The following CHST11 variants were observed in gnomAD, a reference collection of about 807,000 sequenced individuals.
CHST11 encodes the protein C4S-1.
CHST11 carries 9 observed loss-of-function variants against 30.4 expected under a neutral mutation model. The ratio of observed to expected loss-of-function variants is 0.30; its 90% CI spans 0.18 to 0.52. CHST11 has a LOEUF of 0.52. Ranked by LOEUF, CHST11 falls within the 20% of genes least tolerant of loss-of-function variation. The pLI is 0.97. For synonymous variants in CHST11, 152 were observed against 187.8 expected (o/e 0.81, Z 1.56); for missense variants, 348 against 460.6 (o/e 0.76, Z 2.24).
chr12:104,466,008 C>T (rs897505458), intron 1 of CHST11, among the ~76,000 whole-genome samples: 8 of 151,832 alleles, frequency 5.3e-5, no homozygotes, highest in East Asian at 1.9e-4. Context: ...TACAGGTGCC[C>T]GCCATCACGC....
intron 1 of CHST11, among the ~76,000 whole-genome samples, chr12:104,583,764 G>A (rs889419802): frequency 6.6e-6 from 1 of 150,816 alleles, no homozygotes; most frequent in Non-Finnish European, 1.5e-5. Context: ...CCAGGCTGGA[G>A]TGTAGTGGCG....
intron 2 of CHST11, among the ~76,000 whole-genome samples, chr12:104,736,395 A>G (rs1243551380): frequency 6.6e-6 from 1 of 152,228 alleles, no homozygotes; most frequent in African/African-American, 2.4e-5. Flanking sequence ...GAAAAAGACC[A>G]GTGACTCACA....
chr12:104,486,284 A>T (rs192828146), intron 1 of CHST11, among the ~76,000 whole-genome samples: 1 of 148,160 alleles, frequency 6.7e-6, no homozygotes, highest in East Asian at 2.0e-4. Flanking sequence ...ATGGGGAAAA[A>T]GTGTTTTAAA....
chr12:104,718,659 C>A (rs1336892243), intron 2 of CHST11, among the ~76,000 whole-genome samples: 1 of 152,196 alleles, frequency 6.6e-6, no homozygotes, highest in Non-Finnish European at 1.5e-5. Context: ...TAAGCAATCA[C>A]TCCTACTTTA....
At chr12:104,686,250 G>T (rs201677809) in intron 2 of CHST11, among the ~76,000 whole-genome samples, 1 of 54,430 alleles carries the variant, frequency 1.8e-5, no homozygotes, top group Non-Finnish European at 4.8e-5. Context: ...AAAAAAAAAA[G>T]ACAACATAGT....
intron 2 of CHST11, among the ~76,000 whole-genome samples, chr12:104,658,528 G>A (rs1226979023): frequency 6.6e-6 from 1 of 152,200 alleles, no homozygotes; most frequent in Non-Finnish European, 1.5e-5. Flanking sequence ...CTCAGCATGT[G>A]CATTTTGGAG....
Position 104,558,787 on chromosome 12 carries a change from C to T in CHST11, c.119-43119C>T, listed in dbSNP as rs560562278. Reference sequence around the variant, plus strand: ...CTCCTGACCTCAAGTGATCTGCCCACGTTGGCCTCCCAAGGTGCTGGGATT... The same window carrying T: ...CTCCTGACCTCAAGTGATCTGCCCATGTTGGCCTCCCAAGGTGCTGGGATT... On this transcript the variant is annotated intron_variant, in intron 1 of 2. Transcript: ENST00000303694. Among the ~76,000 whole-genome samples the T allele has an allele frequency of 3.3e-5, 5 of 152,182 alleles. No homozygotes were observed. In the South Asian group the frequency reaches 1.0e-3, roughly 32 times the overall value.
At chr12:104,520,881 AT>A (rs1361512279) in intron 1 of CHST11, among the ~76,000 whole-genome samples, 1 of 152,168 alleles carries the variant, frequency 6.6e-6, no homozygotes, top group Non-Finnish European at 1.5e-5. Flanking sequence ...CTTGTGGTCC[AT>A]TTGTTTTAAA....
In CHST11 at chr12:104,457,516, T is replaced by C; in HGVS notation, c.105T>C (p.Ser35=). The C allele has an allele frequency of 1.2e-6, 2 of 1,612,052 alleles. No homozygotes were observed. The highest frequency in any genetic ancestry group is 1.7e-6 in the Non-Finnish European group (2 of 1,178,072). Residue 35 remains serine (S), a synonymous_variant, in exon 1 of 3, where the codon AGT becomes AGC. Transcript: ENST00000303694. ...SFILVIFYFQ[S]MLHPVMRRNP... The stretch of plus-strand genomic sequence containing the variant: ...TCCTGGTCATCTTCTATTTCCAAAG[T>C]ATGTTGCACCCAGGTAGGGGGCGCG...
chr12:104,685,120 T>C (rs945692905), intron 2 of CHST11, among the ~76,000 whole-genome samples: 6 of 152,346 alleles, frequency 3.9e-5, no homozygotes, highest in African/African-American at 1.4e-4. Context: ...TTGGTTATCT[T>C]ATCCATCCAG....
chr12:104,614,397 A>G (rs547281345), intron 2 of CHST11, among the ~76,000 whole-genome samples: 5 of 152,310 alleles, frequency 3.3e-5, no homozygotes, highest in Admixed American at 3.3e-4. Flanking sequence ...TTTAAGAATT[A>G]GCTGGGCATG....
intron 2 of CHST11, among the ~76,000 whole-genome samples, chr12:104,704,886 G>A (rs1449717389): frequency 5.3e-5 from 8 of 152,046 alleles, no homozygotes; most frequent in African/African-American, 9.7e-5. Flanking sequence ...CTCCTCCTGG[G>A]GCACTGAGAG....
At position 104,549,572 on chromosome 12, in the gene CHST11, A is replaced by G. The variant is rs557538623; in HGVS notation, c.119-52334A>G. Among the ~76,000 whole-genome samples, 5 of 152,272 alleles carry G rather than the reference A, an allele frequency of 3.3e-5. No individual in the cohort carries two copies. In the East Asian group the frequency reaches 5.8e-4, roughly 18 times the overall value. On this transcript the variant is annotated intron_variant, in intron 1 of 2. Transcript: ENST00000303694. The stretch of plus-strand genomic sequence containing the variant: ...CTAAGAGGTCCAGTGTGGGAAAACA[A>G]AGGAAGGGAAGAAATCGATGTAAGG...
chr12:104,679,813 C>T (rs1477762011), intron 2 of CHST11, among the ~76,000 whole-genome samples: 6 of 152,190 alleles, frequency 3.9e-5, no homozygotes, highest in Non-Finnish European at 8.8e-5. Context: ...CCCCACAGGG[C>T]TGCCAGAATC....
intron 2 of CHST11, among the ~76,000 whole-genome samples, chr12:104,705,881 C>T (rs902450412): frequency 4.0e-5 from 6 of 151,380 alleles, no homozygotes; most frequent in African/African-American, 1.5e-4. Context: ...GATCGCACCA[C>T]TGCCTGGGAG....
intron 1 of CHST11, among the ~76,000 whole-genome samples, chr12:104,599,235 C>T (rs1219404486): frequency 6.6e-6 from 1 of 152,174 alleles, no homozygotes. Context: ...GGCAAAGAAC[C>T]CAAGGTTCAG....
At chr12:104,487,845 CT>C (rs963628226) in intron 1 of CHST11, among the ~76,000 whole-genome samples, 10 of 148,934 alleles carry the variant, frequency 6.7e-5, no homozygotes, top group South Asian at 2.1e-4. Context: ...GTACATTTTT[CT>C]TTTTTTTTCT....
chr12:104,741,916 C>T (rs1239286466), intron 2 of CHST11, among the ~76,000 whole-genome samples: 1 of 152,204 alleles, frequency 6.6e-6, no homozygotes, highest in Non-Finnish European at 1.5e-5. Context: ...ACCCGCATTG[C>T]ATCAGATTCC....
At chr12:104,629,891 CT>C (rs1242051105) in intron 2 of CHST11, among the ~76,000 whole-genome samples, 1 of 152,122 alleles carries the variant, frequency 6.6e-6, no homozygotes, top group Non-Finnish European at 1.5e-5. Flanking sequence ...TGCAGCCTAC[CT>C]TAAACATGCT....
Sources: allele counts gnomAD v4.1 joint callset (sites outside exome capture counted in the v4.1 genomes callset), GRCh38; gene constraint gnomAD v4.1.1; transcripts MANE v1.5; gene names NCBI Gene and HGNC (gene_info 2026-07-23, HGNC 2026-07-21).